The following STAU1 variants were observed in gnomAD, a reference collection of about 807,000 sequenced individuals.
STAU1 encodes the protein double-stranded RNA-binding protein Staufen homolog 1.
STAU1 carries 13 observed loss-of-function variants against 62.9 expected under a neutral mutation model. The ratio of observed to expected loss-of-function variants is 0.21; its 90% CI spans 0.13 to 0.33. STAU1 has a LOEUF of 0.33. Among genes scored for constraint, STAU1 ranks in the 10% least tolerant of loss-of-function variants. The probability of loss-of-function intolerance (pLI) is 1.00; values close to 1 mark genes in which losing one functional copy is unlikely to be tolerated. For synonymous variants in STAU1, 269 were observed against 265.1 expected (o/e 1.01, Z -0.14); for missense variants, 571 against 712.1 (o/e 0.80, Z 2.25).
At chr20:49,134,268 C>A (rs1366540060) in intron 6 of STAU1, among the ~76,000 whole-genome samples, 1 of 151,808 alleles carries the variant, frequency 6.6e-6, no homozygotes, top group Non-Finnish European at 1.5e-5. Context: ...CCCGTTTCTA[C>A]TAAAAATACA....
In STAU1 at chr20:49,166,124, A is replaced by C. The variant is rs1483582660; in HGVS notation, c.78T>G (p.Ser26=). ...TACTCATCAAAGGCTGTGAGAGAAGAGACTGGTTCTTGTTCAGTATTTGGC... is the reference window on the plus strand; with the variant it reads ...TACTCATCAAAGGCTGTGAGAGAAGCGACTGGTTCTTGTTCAGTATTTGGC... ...SGSQILNKNQ[S]LLSQPLMSIP... Residue 26 remains serine (S), a synonymous_variant, in exon 3 of 14, where the codon TCT becomes TCG. Coordinates refer to ENST00000371856, the MANE Select transcript of STAU1 (RefSeq NM_017453.4). 1.9e-6 allele frequency: 3 copies of C among 1,614,088 alleles called. No individual in the cohort carries two copies. In the Admixed American group the frequency reaches 5.0e-5, roughly 27 times the overall value.
chr20:49,206,163 TTTG>T, the STAU1 span, among the ~76,000 whole-genome samples: 1 of 150,390 alleles, frequency 6.6e-6, no homozygotes, highest in African/African-American at 2.4e-5. Flanking sequence ...TTTTTTTTTT[TTTG>T]TATTTTTTGT....
chr20:49,147,861 T>C (rs185942752), intron 5 of STAU1, among the ~76,000 whole-genome samples: 94 of 152,312 alleles, frequency 6.2e-4, no homozygotes, highest in Non-Finnish European at 1.2e-3. Context: ...AAAAAGGTGG[T>C]TACTGTACAC....
intron 1 of STAU1, among the ~76,000 whole-genome samples, chr20:49,186,342 T>TC (rs1235746930): frequency 8.2e-5 from 12 of 145,716 alleles, no homozygotes; most frequent in African/African-American, 1.3e-4. Flanking sequence ...TGAGACTGTC[T>TC]CAAAAAAAAA....
the STAU1 span, among the ~76,000 whole-genome samples, chr20:49,209,634 CT>C: frequency 6.6e-6 from 1 of 152,040 alleles, no homozygotes; most frequent in Non-Finnish European, 1.5e-5. Flanking sequence ...ATCCTAGCTA[CT>C]TGAAGGCTGA....
At chr20:49,216,200 G>C in the STAU1 span, among the ~76,000 whole-genome samples, 1 of 151,246 alleles carries the variant, frequency 6.6e-6, no homozygotes, top group South Asian at 2.1e-4. Flanking sequence ...GTCCAGTGTG[G>C]GCAACATGGC....
intron 2 of STAU1, 110 bp from the exon 3 acceptor site, chr20:49,166,395 T>C (rs1462104622): frequency 5.1e-6 from 3 of 584,778 alleles, no homozygotes; most frequent in Non-Finnish European, 9.1e-6. Context: ...AATAGCTCCA[T>C]TTAGCATGTA....
At chr20:49,217,534 CTG>C in the STAU1 span, among the ~76,000 whole-genome samples, 3 of 151,984 alleles carry the variant, frequency 2.0e-5, no homozygotes, top group Admixed American at 2.0e-4. Context: ...TTTTCTTTAG[CTG>C]TTGTATATCC....
At chr20:49,139,987 ACCAGCCTGG>A (rs1336736665) in intron 5 of STAU1, among the ~76,000 whole-genome samples, 2 of 152,054 alleles carry the variant, frequency 1.3e-5, no homozygotes, top group African/African-American at 4.8e-5. Context: ...GGAGTTCGAG[ACCAGCCTGG>A]CCAACATGGT....
chr20:49,203,306 T>C, the STAU1 span, among the ~76,000 whole-genome samples: 2 of 152,102 alleles, frequency 1.3e-5, no homozygotes, highest in East Asian at 3.9e-4. Context: ...ATGCCTTTAG[T>C]CCGAGCTATT....
At chr20:49,146,239 C>A (rs6066981) in intron 5 of STAU1, among the ~76,000 whole-genome samples, 2 of 152,254 alleles carry the variant, frequency 1.3e-5, no homozygotes, top group East Asian at 3.9e-4. Flanking sequence ...ACACTCCAGC[C>A]TGAGTGACAG....
At chr20:49,188,623 G>C (rs1325225693), upstream of STAU1, among the ~76,000 whole-genome samples, 2 of 152,232 alleles carry the variant, frequency 1.3e-5, no homozygotes, top group Non-Finnish European at 2.9e-5. Flanking sequence ...GACTCGAAGC[G>C]GGTCTGGGAG....
At chr20:49,191,273 C>T (rs1039749268), upstream of STAU1, among the ~76,000 whole-genome samples, 56 of 152,050 alleles carry the variant, frequency 3.7e-4, no homozygotes, top group African/African-American at 1.1e-3. Context: ...GTGATCCACC[C>T]GCCTCGGCCT....
At chr20:49,166,767 C>T (rs1037137189) in intron 2 of STAU1, among the ~76,000 whole-genome samples, 1 of 152,118 alleles carries the variant, frequency 6.6e-6, no homozygotes, top group Non-Finnish European at 1.5e-5. Context: ...AGACTGACAA[C>T]CTTAGGGCCT....
At chr20:49,177,197 A>G (rs2093670819) in intron 1 of STAU1, among the ~76,000 whole-genome samples, 1 of 147,766 alleles carries the variant, frequency 6.8e-6, no homozygotes, top group African/African-American at 2.5e-5. Flanking sequence ...GGCGTGAGCC[A>G]CCGCACCTGG....
rs1427278194 is a variant in STAU1, at chr20:49,119,912, C to T, written c.1113+70G>A. ...TAAAGCCTTGCCTTGAAGCCTGCCC[C>T]TGGAGGTGCCCCAGTTCCCTAGGGT... On this transcript the variant is annotated intron_variant, in intron 9 of 13. Coordinates refer to ENST00000371856, the MANE Select transcript of STAU1 (RefSeq NM_017453.4). 3.2e-6 allele frequency: 5 copies of T among 1,554,452 alleles called. No individual in the cohort carries two copies. The East Asian group carries it at 9.1e-5, about 28-fold the overall frequency.
Position 49,135,835 on chromosome 20 carries a change from C to G in STAU1, c.607G>C (p.Glu203Gln), listed in dbSNP as rs1222224853. The G allele has an allele frequency of 6.2e-7, 1 of 1,612,030 alleles. No individual in the cohort carries two copies. Among genetic ancestry groups the G allele is most frequent in the African/African-American group, 1.3e-5 (1 of 74,878 alleles). Residue 203 changes from glutamate to glutamine, a missense_variant and splice_region_variant, in exon 6 of 14, where the codon GAG becomes CAG. Physicochemically the swap from Glu to Gln is conservative, Grantham distance 29. Around this residue, in one of 3 missense-constraint regions of STAU1, gnomAD observed 414 missense variants for 499.6 expected, o/e 0.83. Coordinates refer to ENST00000371856, the MANE Select transcript of STAU1 (RefSeq NM_017453.4). The part of the protein sequence containing the change: ...ALKRNLPVNF[E>Q]VARESGPPHM... ...TCCTACATGTAAAATTAGCTTACCT[C>G]GAAATTCACAGGCAAGTTCCGTTTA...
chr20:49,178,894 A>C (rs1166822439), intron 1 of STAU1, among the ~76,000 whole-genome samples: 2 of 146,900 alleles, frequency 1.4e-5, no homozygotes, highest in Admixed American at 1.4e-4. Flanking sequence ...TAACACGGTG[A>C]AACACCGTCT....
rs763304053 is a variant in STAU1 at position 49,123,074 on chromosome 20, T to C, written c.966+18A>G. On this transcript the variant is annotated intron_variant, in intron 8 of 13. Coordinates refer to ENST00000371856, the MANE Select transcript of STAU1 (RefSeq NM_017453.4). The stretch of plus-strand genomic sequence containing the variant: ...ACGTGGTCAGAGGAAGGGGCGCCCA[T>C]CATCCATGCGGACCCACCTGCATCA... The C allele has an allele frequency of 6.4e-7, 1 of 1,562,880 alleles. No homozygotes were observed. The highest frequency in any genetic ancestry group is 8.7e-7 in the Non-Finnish European group (1 of 1,155,330).
Sources: gnomAD v4.1 joint callset for allele counts (sites outside exome capture counted in the v4.1 genomes callset) on GRCh38, gnomAD v4.1.1 for gene constraint, gnomAD v4.1.1 regional missense constraint, MANE v1.5 for transcripts, NCBI Gene and HGNC (gene_info 2026-07-23, HGNC 2026-07-21) for gene names.